CEP350: variants seen among roughly 807,000 people sequenced by gnomAD.
The protein encoded by CEP350 is centrosome-associated protein 350.
CEP350 carries 126 observed loss-of-function variants against 331.8 expected under a neutral mutation model. The observed-to-expected ratio is 0.38, with a 90% confidence interval of 0.33 to 0.44. The LOEUF is 0.44. Ranked by LOEUF, CEP350 falls within the 20% of genes least tolerant of loss-of-function variation. CEP350 has a pLI of 1.00. For synonymous variants in CEP350, 1,200 were observed against 1,259.5 expected (o/e 0.95, Z 1.00); for missense variants, 3,406 against 3,634.6 (o/e 0.94, Z 1.62).
At chr1:180,034,209 A>C in intron 16 of CEP350, 127 bp downstream of exon 16, 1 of 1,206,606 alleles carries the variant, frequency 8.3e-7, no homozygotes, top group Non-Finnish European at 1.1e-6. Context: ...ATTACTTTTC[A>C]AGTATTAAAA....
intron 8 of CEP350, among the ~76,000 whole-genome samples, chr1:180,010,471 A>G (rs1260269464): frequency 6.6e-6 from 1 of 150,804 alleles, no homozygotes; most frequent in East Asian, 1.9e-4. Context: ...TGTAGGCAGA[A>G]TGATTTTATT....
intron 1 of CEP350, among the ~76,000 whole-genome samples, chr1:179,959,695 A>C (rs983037596): frequency 5.3e-5 from 8 of 152,172 alleles, no homozygotes; most frequent in African/African-American, 1.9e-4. Flanking sequence ...CAGAGGTTGC[A>C]GTGAGCCAAG....
intron 27 of CEP350, among the ~76,000 whole-genome samples, chr1:180,065,853 A>T (rs929533047): frequency 1.3e-5 from 2 of 151,952 alleles, no homozygotes; most frequent in Non-Finnish European, 2.9e-5. Context: ...TTTCTATAAA[A>T]TTTTAATTTT....
At chr1:180,097,725 G>A (rs1425483962) in intron 36 of CEP350, among the ~76,000 whole-genome samples, 1 of 152,002 alleles carries the variant, frequency 6.6e-6, no homozygotes, top group Admixed American at 6.6e-5. Flanking sequence ...GTTTTTAAGG[G>A]TGATAGTTCA....
intron 26 of CEP350, among the ~76,000 whole-genome samples, chr1:180,063,975 G>T (rs531198272): frequency 6.6e-6 from 1 of 152,238 alleles, no homozygotes; most frequent in East Asian, 1.9e-4. Flanking sequence ...CTATTATCCT[G>T]AGTTATCTGA....
chr1:180,052,621 C>T (rs1381955263), intron 22 of CEP350, among the ~76,000 whole-genome samples: 2 of 152,056 alleles, frequency 1.3e-5, no homozygotes, highest in Non-Finnish European at 2.9e-5. Context: ...TAATGTTAAA[C>T]ATTTTTTTCA....
chr1:179,968,559 T>C (rs1273752861), intron 1 of CEP350: 11 of 331,754 alleles, frequency 3.3e-5, no homozygotes, highest in South Asian at 5.2e-5. Context: ...GACTAAGTTA[T>C]TGAACGTGGA....
chr1:179,966,313 A>G (rs1217415817), intron 1 of CEP350, among the ~76,000 whole-genome samples: 1 of 152,142 alleles, frequency 6.6e-6, no homozygotes, highest in East Asian at 1.9e-4. Flanking sequence ...GGGAGCCCTC[A>G]TTTTCAAATG....
Position 180,014,053 on chromosome 1 carries a change from G to A in CEP350, c.1600G>A (p.Asp534Asn), listed in dbSNP as rs1199026679. Residue 534 changes from aspartate (D) to asparagine (N), a missense_variant, in exon 10 of 38, where the codon GAC (aspartate) becomes AAC (asparagine). Coordinates refer to ENST00000367607, the MANE Select transcript of CEP350 (RefSeq NM_014810.5). ...LPIEIRGILD[D>N]LQLDSTAHTA... Reference sequence around the variant, plus strand: ...TATTGAAATTCGTGGCATTCTTGATGACCTACAGCTGGATTCTACAGCTCA... The same window carrying A: ...TATTGAAATTCGTGGCATTCTTGATAACCTACAGCTGGATTCTACAGCTCA... 1 of 1,612,364 alleles carries A rather than the reference G, an allele frequency of 6.2e-7. No individual in the cohort carries two copies. The highest frequency in any genetic ancestry group is 1.7e-5 in the Admixed American group (1 of 59,696).
intron 17 of CEP350, 94 bp downstream of exon 17, chr1:180,037,183 G>A: frequency 8.8e-7 from 1 of 1,135,184 alleles, no homozygotes; most frequent in South Asian, 2.3e-5. Flanking sequence ...GTGTCAAATA[G>A]AAAAAAATAG....
At chr1:179,995,291 C>T (rs1653384902) in intron 5 of CEP350, among the ~76,000 whole-genome samples, 1 of 152,044 alleles carries the variant, frequency 6.6e-6, no homozygotes, top group Non-Finnish European at 1.5e-5. Flanking sequence ...CCTCCCTTTT[C>T]ATAAAGTGCT....
chr1:180,086,624 G>T (rs1018863785), intron 31 of CEP350, among the ~76,000 whole-genome samples: 2 of 151,778 alleles, frequency 1.3e-5, no homozygotes, highest in African/African-American at 2.4e-5. Context: ...TTAATAAATG[G>T]ACTGCACTCA....
At chr1:179,957,048 C>G (rs1650222682) in intron 1 of CEP350, among the ~76,000 whole-genome samples, 1 of 152,052 alleles carries the variant, frequency 6.6e-6, no homozygotes, top group South Asian at 2.1e-4. Context: ...TAATTATTGA[C>G]AAGTCATGAA....
Position 180,087,720 on chromosome 1 carries a change from A to G in CEP350, c.6425+3A>G. On this transcript the variant is annotated splice_donor_region_variant and intron_variant, in intron 32 of 37. Coordinates refer to ENST00000367607, the MANE Select transcript of CEP350 (RefSeq NM_014810.5). ...AAACCCCTCACACCACTACACAGGT[A>G]GAAATTTTTGATAACTTGTCTGTAT... 6.7e-7 allele frequency: 1 copy of G among 1,501,628 alleles called. No homozygotes were observed. Among genetic ancestry groups the G allele is most frequent in the Non-Finnish European group, 8.9e-7 (1 of 1,125,348 alleles). The allele number at this position is 1,501,628 out of a possible 1,614,324, so 93.0% of individuals were successfully genotyped here.
At chr1:179,955,902 T>C (rs574340275) in intron 1 of CEP350, among the ~76,000 whole-genome samples, 107 of 152,354 alleles carry the variant, frequency 7.0e-4, no homozygotes, top group African/African-American at 2.5e-3. Context: ...GTTTTGATGG[T>C]GATCCTTGTT....
chr1:180,098,634 G>A (rs570098314), intron 36 of CEP350, among the ~76,000 whole-genome samples: 16 of 152,308 alleles, frequency 1.1e-4, no homozygotes, highest in African/African-American at 3.6e-4. Flanking sequence ...GTGAGTCACC[G>A]TGCCCAGCTA....
chr1:180,027,488 C>CA, intron 14 of CEP350, among the ~76,000 whole-genome samples: 1 of 152,116 alleles, frequency 6.6e-6, no homozygotes, highest in Non-Finnish European at 1.5e-5. Flanking sequence ...TGGGCTCCAT[C>CA]AGTCCTTCCA....
Position 180,041,666 on chromosome 1 carries a change from A to T in CEP350, c.4226A>T (p.His1409Leu), listed in dbSNP as rs1656766536. 2 of 1,613,442 alleles carry T rather than the reference A, an allele frequency of 1.2e-6. No homozygotes were observed. The highest frequency in any genetic ancestry group is 2.2e-5 in the South Asian group (2 of 91,016). The change falls in exon 19 of 38, where the codon CAT becomes CTT. Residue 1409 changes from histidine to leucine, a missense_variant. Physicochemically the swap from His to Leu is moderately conservative, Grantham distance 99. Around this residue, in one of 5 missense-constraint regions of CEP350, gnomAD observed 1,857 missense variants for 1,909.2 expected, o/e 0.97. Coordinates refer to ENST00000367607, the MANE Select transcript of CEP350 (RefSeq NM_014810.5). ...TTAAACCCCTTTTATTTAAAGGTCC[A>T]TGCAGAATCATTACAGCAGGTGGTT... Reference protein sequence around the residue: ...EETRNKAAQVHAESLQQVVQS... With the variant: ...EETRNKAAQVLAESLQQVVQS...
chr1:180,008,224 G>T (rs1167614589), intron 8 of CEP350, among the ~76,000 whole-genome samples: 1 of 152,136 alleles, frequency 6.6e-6, no homozygotes, highest in Non-Finnish European at 1.5e-5. Context: ...ATGGAAAAAA[G>T]ATAATTCTCT....
Sources: allele counts gnomAD v4.1 joint callset (sites outside exome capture counted in the v4.1 genomes callset), GRCh38; gene constraint gnomAD v4.1.1; regional missense constraint gnomAD v4.1.1; transcripts MANE v1.5; gene names NCBI Gene and HGNC (gene_info 2026-07-23, HGNC 2026-07-21).